The following NXN variants were observed in gnomAD, a reference collection of about 807,000 sequenced individuals.
NXN encodes the protein nucleoredoxin 1.
A neutral mutation model predicts 48.6 loss-of-function variants in NXN; 16 were observed. The ratio of observed to expected loss-of-function variants is 0.33; its 90% CI spans 0.22 to 0.50. The LOEUF is 0.50. Ranked by LOEUF, NXN falls within the 20% of genes least tolerant of loss-of-function variation. The pLI is 0.98. For missense variants in NXN, 492 were observed against 605.5 expected (o/e 0.81, Z 1.97); for synonymous variants, 281 against 269.6 (o/e 1.04, Z -0.41).
At chr17:965,305 A>AT (rs2069288806) in intron 1 of NXN, among the ~76,000 whole-genome samples, 1 of 152,212 alleles carries the variant, frequency 6.6e-6, no homozygotes, top group Admixed American at 6.5e-5. Flanking sequence ...GATTCTCCAG[A>AT]TGGCAGAGAG....
At chr17:843,641 A>G (rs4968122) in intron 1 of NXN, among the ~76,000 whole-genome samples, 59,651 of 151,934 alleles carry the variant, frequency 0.39, 13,294 homozygotes, top group African/African-American at 0.62. Context: ...TCTGGAGTCA[A>G]AGGGACCCCA....
At chr17:913,773 G>GA (rs922037542) in intron 1 of NXN, among the ~76,000 whole-genome samples, 20 of 152,018 alleles carry the variant, frequency 1.3e-4, no homozygotes, top group Non-Finnish European at 2.6e-4. Flanking sequence ...AAATGAAGCA[G>GA]AAAAAAAATG....
At chr17:970,422 T>TA (rs138163656) in intron 1 of NXN, among the ~76,000 whole-genome samples, 17 of 150,378 alleles carry the variant, frequency 1.1e-4, no homozygotes, top group East Asian at 9.7e-4. Flanking sequence ...CTGGAGGAAC[T>TA]AAAAAAAAGC....
At chr17:850,461 C>A (rs1246167738) in intron 1 of NXN, among the ~76,000 whole-genome samples, 2 of 152,252 alleles carry the variant, frequency 1.3e-5, no homozygotes, top group Non-Finnish European at 2.9e-5. Flanking sequence ...CAGTCCACTG[C>A]TCCGACCTGT....
At chr17:952,187 G>A (rs1207970878) in intron 1 of NXN, among the ~76,000 whole-genome samples, 6 of 127,542 alleles carry the variant, frequency 4.7e-5, no homozygotes, top group African/African-American at 1.6e-4. Context: ...GGGGGCTGGG[G>A]TCAGAGAGAC....
chr17:877,278 C>A (rs1013162206), intron 1 of NXN, among the ~76,000 whole-genome samples: 1 of 151,752 alleles, frequency 6.6e-6, no homozygotes, highest in Non-Finnish European at 1.5e-5. Context: ...CTCCTGGTAG[C>A]TGAGACTACT....
rs5818767 is a variant in NXN at position 806,921 on chromosome 17, TACACACACACAC to T, written c.821-1686_821-1675del. Among the ~76,000 whole-genome samples, 17 of 148,296 alleles carry T rather than the reference TACACACACACAC, an allele frequency of 1.1e-4. No homozygotes were observed. The East Asian group carries it at 3.4e-3, about 30-fold the overall frequency. ...CACTCCGACATCACACACACTCACA[TACACACACACAC>T]ACACACACACACACGCACGCGCCCA... On this transcript the variant is annotated intron_variant, in intron 5 of 7. Transcript: ENST00000336868.
At chr17:846,426 A>G (rs534295038) in intron 1 of NXN, among the ~76,000 whole-genome samples, 52 of 149,760 alleles carry the variant, frequency 3.5e-4, no homozygotes, top group African/African-American at 1.0e-3. Context: ...AAAAAAAAAA[A>G]AAAAAGAAAA....
intron 1 of NXN, among the ~76,000 whole-genome samples, chr17:967,395 C>T (rs1203265301): frequency 2.6e-5 from 4 of 152,188 alleles, no homozygotes; most frequent in African/African-American, 9.7e-5. Flanking sequence ...TGGGCAAGGA[C>T]CTGCCCCAGG....
chr17:945,982 C>T (rs114280195), intron 1 of NXN, among the ~76,000 whole-genome samples: 8,713 of 152,004 alleles, frequency 0.057, 446 homozygotes, highest in East Asian at 0.28. Flanking sequence ...ACCCTTTCGG[C>T]CACAAAAAGG....
intron 1 of NXN, among the ~76,000 whole-genome samples, chr17:863,048 C>T (rs1055586436): frequency 6.6e-6 from 1 of 152,172 alleles, no homozygotes; most frequent in Non-Finnish European, 1.5e-5. Flanking sequence ...GGGATTGGTT[C>T]TGGGACCCCC....
intron 1 of NXN, among the ~76,000 whole-genome samples, chr17:875,659 A>G (rs2068206141): frequency 2.0e-5 from 3 of 151,712 alleles, no homozygotes; most frequent in Admixed American, 2.0e-4. Context: ...TGGTGCAATC[A>G]TAGCTCACTG....
At chr17:807,182 C>T (rs1465653804) in intron 5 of NXN, among the ~76,000 whole-genome samples, 1 of 152,192 alleles carries the variant, frequency 6.6e-6, no homozygotes, top group East Asian at 1.9e-4. Context: ...GGGCCAGGGA[C>T]CACCACAGGG....
chr17:884,047 T>C (rs1236332444), intron 1 of NXN, among the ~76,000 whole-genome samples: 2 of 151,756 alleles, frequency 1.3e-5, no homozygotes, highest in Non-Finnish European at 2.9e-5. Flanking sequence ...TGAAACCCTG[T>C]CTCTACTAAA....
Position 978,817 on chromosome 17 carries a change from C to G in NXN, c.360+502G>C, listed in dbSNP as rs932268332. Among the ~76,000 whole-genome samples, 2 of 151,914 alleles carry G rather than the reference C, an allele frequency of 1.3e-5. No individual in the cohort carries two copies. The highest frequency in any genetic ancestry group is 2.9e-5 in the Non-Finnish European group (2 of 67,930). Reference sequence around the variant, plus strand: ...AAAGGAAACGCGCTGGTTTGGGCGCCACGGGCGGGGGGCGTGCGCCCTCCC... The same window carrying G: ...AAAGGAAACGCGCTGGTTTGGGCGCGACGGGCGGGGGGCGTGCGCCCTCCC... On this transcript the variant is annotated intron_variant, in intron 1 of 7. Transcript: ENST00000336868. The surrounding 1 kb of genome is among the most constrained non-coding windows in gnomAD (Gnocchi z 4.1).
In NXN at chr17:890,396, C is replaced by T. The variant is rs539061267; in HGVS notation, c.361-64318G>A. Among the ~76,000 whole-genome samples, 6 of 152,218 alleles carry T rather than the reference C, an allele frequency of 3.9e-5. No homozygotes were observed. The South Asian group carries it at 1.0e-3, about 26-fold the overall frequency. ...AAATTTTTCTTTTTGTTTTTTGAGA[C>T]GGACTCTCACTCTGTCGCCCAGGCT... On this transcript the variant is annotated intron_variant, in intron 1 of 7. Coordinates refer to ENST00000336868, the MANE Select transcript of NXN (RefSeq NM_022463.5).
intron 1 of NXN, among the ~76,000 whole-genome samples, chr17:885,931 G>T (rs9788974): frequency 6.6e-6 from 1 of 150,750 alleles, no homozygotes; most frequent in Admixed American, 6.6e-5. Flanking sequence ...CTCGTGATCC[G>T]CCCGCCTCGG....
At chr17:942,155 A>C (rs2068983263) in intron 1 of NXN, among the ~76,000 whole-genome samples, 1 of 136,230 alleles carries the variant, frequency 7.3e-6, no homozygotes, top group African/African-American at 2.9e-5. Context: ...TCCTGGATTT[A>C]CAGCGAACAA....
chr17:946,141 C>T lies in NXN; in HGVS notation c.360+33178G>A, dbSNP rs11247567. On this transcript the variant is annotated intron_variant, in intron 1 of 7. Transcript: ENST00000336868. Reference sequence around the variant, plus strand: ...CGCTTGAAAGTTCAGAAGACTATCTCTTTTTTTTTTTTGAGATGGAGTCTC... The same window carrying T: ...CGCTTGAAAGTTCAGAAGACTATCTTTTTTTTTTTTTTGAGATGGAGTCTC... Among the ~76,000 whole-genome samples the T allele has an allele frequency of 4.9e-3, 726 of 148,158 alleles. 6 individuals carry two copies. The highest frequency in any genetic ancestry group is 0.013 in the African/African-American group (543 of 40,484).
Sources: allele counts gnomAD v4.1 joint callset (sites outside exome capture counted in the v4.1 genomes callset), GRCh38; gene constraint gnomAD v4.1.1; non-coding constraint Gnocchi (gnomAD v3.1); transcripts MANE v1.5; gene names NCBI Gene and HGNC (gene_info 2026-07-23, HGNC 2026-07-21).